The following ZBTB18 variants were observed in gnomAD, a reference collection of about 807,000 sequenced individuals.
ZBTB18 encodes zinc finger and BTB domain containing 18.
Under a neutral mutation model 37.7 loss-of-function variants are expected in ZBTB18, and 2 were observed. The ratio of observed to expected loss-of-function variants is 0.05; its 90% CI spans 0.02 to 0.17. The LOEUF is 0.17. Among genes scored for constraint, ZBTB18 ranks in the 10% least tolerant of loss-of-function variants. ZBTB18 has a pLI of 1.00. For missense variants in ZBTB18, 408 were observed against 686.3 expected (o/e 0.59, Z 4.53); for synonymous variants, 304 against 276.5 (o/e 1.10, Z -0.99).
Position 244,054,966 on chromosome 1 carries a change from C to T in ZBTB18, c.1192C>T (p.Leu398=), listed in dbSNP as rs1309451558. Residue 398 remains leucine (L), a synonymous_variant, in exon 2 of 2, where the codon CTG becomes TTG. Coordinates refer to ENST00000358704, the MANE Select transcript of ZBTB18 (RefSeq NM_205768.3). This position sits in a 1 kb window ranked among gnomAD's most constrained non-coding sequence, Gnocchi z 9.0. ...FPSPHILQIH[L]STHFREQDGI... ...CAGCCCCCACATCCTGCAGATCCAC[C>T]TGAGCACGCACTTCCGCGAGCAGGA... 2 of 1,613,978 alleles carry T rather than the reference C, an allele frequency of 1.2e-6. No individual in the cohort carries two copies. Among genetic ancestry groups the T allele is most frequent in the East Asian group, 2.2e-5 (1 of 44,894 alleles).
At chr1:244,052,281 A>G (rs1698370535) in intron 1 of ZBTB18, among the ~76,000 whole-genome samples, 1 of 152,156 alleles carries the variant, frequency 6.6e-6, no homozygotes, top group Non-Finnish European at 1.5e-5. Flanking sequence ...CTACCTTGTG[A>G]GCTGCCCTCC....
intron 1 of ZBTB18, among the ~76,000 whole-genome samples, chr1:244,052,863 G>A (rs1221366713): frequency 6.6e-6 from 1 of 151,664 alleles, no homozygotes; most frequent in Non-Finnish European, 1.5e-5. Context: ...TTTTATTTAA[G>A]CGCTGTATGC....
rs935625263 is a variant in ZBTB18 at position 244,055,928 on chromosome 1, T to C, written c.*558T>C. 2 of 167,104 alleles carry C rather than the reference T, an allele frequency of 1.2e-5. No individual in the cohort carries two copies. The highest frequency in any genetic ancestry group is 2.9e-5 in the Non-Finnish European group (2 of 68,126). 10.4% of individuals were successfully genotyped at this position (167,104 alleles called of 1,614,324 possible). On this transcript the variant is annotated 3_prime_UTR_variant, in exon 2 of 2. Transcript: ENST00000358704. The surrounding 1 kb of genome is among the most constrained non-coding windows in gnomAD (Gnocchi z 7.0). The stretch of plus-strand genomic sequence containing the variant: ...GTGGCAACTTCTGGTTTTCTGACAG[T>C]TCCCAGTGAGAGAAATGCTGAAAGT...
upstream of ZBTB18, chr1:244,051,242 C>A: frequency 1.8e-6 from 1 of 552,436 alleles, no homozygotes; most frequent in Non-Finnish European, 3.2e-6. Context: ...TGACAGCCTG[C>A]CATCCCTCAG....
chr1:244,054,765 G>A lies in ZBTB18; in HGVS notation c.991G>A (p.Val331Ile), dbSNP rs565122600. 1 of 1,614,172 alleles carries A rather than the reference G, an allele frequency of 6.2e-7. No homozygotes were observed. Among genetic ancestry groups the A allele is most frequent in the Admixed American group, 1.7e-5 (1 of 60,036 alleles). The part of the protein sequence containing the change: ...AHLAPLREDS[V>I]LRELDREDKA... ...TCTGGCTCCCCTGAGGGAGGACTCG[G>A]TCTTGAGGGAGCTGGACCGGGAGGA... Residue 331 changes from valine (V) to isoleucine (I), a missense_variant, in exon 2 of 2, where the codon GTC (valine) becomes ATC (isoleucine). By Grantham distance (29) the Val-to-Ile change is conservative (BLOSUM62 3). Coordinates refer to ENST00000358704, the MANE Select transcript of ZBTB18 (RefSeq NM_205768.3). The surrounding 1 kb of genome is among the most constrained non-coding windows in gnomAD (Gnocchi z 9.0).
Position 244,053,631 on chromosome 1 carries a change from G to C in ZBTB18, c.14-157G>C. 1.5e-6 allele frequency: 1 copy of C among 676,158 alleles called. No individual in the cohort carries two copies. Among genetic ancestry groups the C allele is most frequent in the Non-Finnish European group, 1.8e-6 (1 of 547,450 alleles). 41.9% of individuals were successfully genotyped at this position (676,158 alleles called of 1,614,324 possible). ...ATTTTCCTTCTGGCATTTAGGTCTT[G>C]TCCGTGTGATTTGGTGGTGCTTGGG... is the stretch of plus-strand genomic sequence containing the variant. On this transcript the variant is annotated intron_variant, in intron 1 of 1. Transcript: ENST00000358704. The surrounding 1 kb of genome is among the most constrained non-coding windows in gnomAD (Gnocchi z 5.2).
In ZBTB18 at chr1:244,055,090, G is replaced by A; in HGVS notation, c.1316G>A (p.Arg439Lys). 1.2e-6 allele frequency: 2 copies of A among 1,614,216 alleles called. No homozygotes were observed. The highest frequency in any genetic ancestry group is 1.7e-6 in the Non-Finnish European group (2 of 1,180,052). Residue 439 changes from arginine to lysine, a missense_variant, in exon 2 of 2, where the codon AGG becomes AAG. Around this residue, in one of 4 missense-constraint regions of ZBTB18, gnomAD observed 25 missense variants for 117.3 expected, o/e 0.21. Transcript: ENST00000358704. The surrounding 1 kb of genome is among the most constrained non-coding windows in gnomAD (Gnocchi z 7.0). Reference protein sequence around the residue: ...SCMYTLKRHERTHSGEKPYTC... With the variant: ...SCMYTLKRHEKTHSGEKPYTC... Reference sequence around the variant, plus strand: ...ATGTACACCCTCAAGCGCCACGAGAGGACTCACTCGGGGGAGAAGCCCTAC... The same window carrying A: ...ATGTACACCCTCAAGCGCCACGAGAAGACTCACTCGGGGGAGAAGCCCTAC...
intron 1 of ZBTB18, among the ~76,000 whole-genome samples, chr1:244,052,670 A>G (rs1425999347): frequency 1.3e-5 from 2 of 152,168 alleles, no homozygotes; most frequent in Non-Finnish European, 1.5e-5. Context: ...CCCTCATCAC[A>G]AAACAAGGGC....
intron 1 of ZBTB18, among the ~76,000 whole-genome samples, chr1:244,052,360 T>C (rs578079038): frequency 1.3e-5 from 2 of 152,350 alleles, no homozygotes; most frequent in Admixed American, 6.5e-5. Flanking sequence ...AGTGATTGTA[T>C]TGTAAATCTT....
At chr1:244,052,568 C>T (rs936938127) in intron 1 of ZBTB18, among the ~76,000 whole-genome samples, 1 of 152,092 alleles carries the variant, frequency 6.6e-6, no homozygotes, top group African/African-American at 2.4e-5. Flanking sequence ...AAGGGGAAGT[C>T]GGGTCTTCTT....
chr1:244,055,429 T>C lies in ZBTB18; in HGVS notation c.*59T>C. On this transcript the variant is annotated 3_prime_UTR_variant, in exon 2 of 2. Transcript: ENST00000358704. This position sits in a 1 kb window ranked among gnomAD's most constrained non-coding sequence, Gnocchi z 7.0. ...ACATATATATAAATAGATCTCTATA[T>C]AGTTGTGGTACGGTCTAAAAGCAGT... The C allele has an allele frequency of 1.7e-6, 1 of 603,998 alleles. No individual in the cohort carries two copies. Among genetic ancestry groups the C allele is most frequent in the Non-Finnish European group, 2.3e-6 (1 of 437,084 alleles). 37.4% of individuals were successfully genotyped at this position (603,998 alleles called of 1,614,324 possible).
At chr1:244,050,148 A>G (rs1698318955), upstream of ZBTB18, among the ~76,000 whole-genome samples, 1 of 152,212 alleles carries the variant, frequency 6.6e-6, no homozygotes, top group African/African-American at 2.4e-5. Context: ...ACTCTCCGCC[A>G]CGGCTTTCTA....
At chr1:244,052,454 A>C (rs1179285033) in intron 1 of ZBTB18, among the ~76,000 whole-genome samples, 2 of 152,256 alleles carry the variant, frequency 1.3e-5, no homozygotes, top group Non-Finnish European at 2.9e-5. Flanking sequence ...GTGTAGAAGA[A>C]CAAGAAGAAA....
Position 244,055,008 on chromosome 1 carries a change from C to A in ZBTB18, c.1234C>A (p.Pro412Thr), listed in dbSNP as rs773233848. Reference sequence around the variant, plus strand: ...CGAGCAGGACGGCATCCGCAGCAAGCCCGCCGCCGATGTCAACGTGCCCAC... The same window carrying A: ...CGAGCAGGACGGCATCCGCAGCAAGACCGCCGCCGATGTCAACGTGCCCAC... ...FREQDGIRSKPAADVNVPTCS... is the reference protein window; with the variant it reads ...FREQDGIRSKTAADVNVPTCS... The change falls in exon 2 of 2, where the codon CCC becomes ACC. Residue 412 changes from proline to threonine, a missense_variant. Pro to Thr is a conservative substitution (Grantham distance 38). Coordinates refer to ENST00000358704, the MANE Select transcript of ZBTB18 (RefSeq NM_205768.3). The surrounding 1 kb of genome is among the most constrained non-coding windows in gnomAD (Gnocchi z 7.0). 2 of 1,614,168 alleles carry A rather than the reference C, an allele frequency of 1.2e-6. No individual in the cohort carries two copies. Among genetic ancestry groups the A allele is most frequent in the South Asian group, 2.2e-5 (2 of 91,088 alleles).
chr1:244,049,221 C>T (rs893392996), upstream of ZBTB18, among the ~76,000 whole-genome samples: 3 of 143,332 alleles, frequency 2.1e-5, no homozygotes, highest in African/African-American at 7.5e-5. Context: ...GGGGACGGGG[C>T]CGCTGCAGCT....
chr1:244,048,943 A>C (rs1166692576), upstream of ZBTB18: 3 of 156,676 alleles, frequency 1.9e-5, no homozygotes, highest in South Asian at 1.7e-4. Flanking sequence ...GAGGAGGAGG[A>C]GGCGGAGGAC....
upstream of ZBTB18, chr1:244,051,264 A>T: frequency 1.6e-6 from 1 of 625,002 alleles, no homozygotes; most frequent in Non-Finnish European, 2.7e-6. Context: ...CTTTTATTCT[A>T]ACACACAGAC....
In ZBTB18 at chr1:244,053,941, T is replaced by C. The variant is rs775350205; in HGVS notation, c.167T>C (p.Met56Thr). ...CGAGCTGTACTGGCTTCATGCAGCA[T>C]GTATTTCCACCTCTTTTACAAGGAC... ...AHRAVLASCSMYFHLFYKDQL... is the reference protein window; with the variant it reads ...AHRAVLASCSTYFHLFYKDQL... The change falls in exon 2 of 2, where the codon ATG becomes ACG. Residue 56 changes from methionine to threonine, a missense_variant. Around this residue, in one of 4 missense-constraint regions of ZBTB18, gnomAD observed 95 missense variants for 218.7 expected, o/e 0.43. Transcript: ENST00000358704. This position sits in a 1 kb window ranked among gnomAD's most constrained non-coding sequence, Gnocchi z 5.2. 9 of 1,613,990 alleles carry C rather than the reference T, an allele frequency of 5.6e-6. No individual in the cohort carries two copies. Among genetic ancestry groups the C allele is most frequent in the Non-Finnish European group, 8.5e-7 (1 of 1,180,026 alleles).
upstream of ZBTB18, among the ~76,000 whole-genome samples, chr1:244,048,545 G>A (rs1477477637): frequency 6.7e-6 from 1 of 148,996 alleles, no homozygotes; most frequent in Admixed American, 6.7e-5. Context: ...GCGGACTGAG[G>A]GTGGGGGGAA....
Sources: allele counts gnomAD v4.1 joint callset (sites outside exome capture counted in the v4.1 genomes callset), GRCh38; gene constraint gnomAD v4.1.1; regional missense constraint gnomAD v4.1.1; non-coding constraint Gnocchi (gnomAD v3.1); transcripts MANE v1.5; gene names NCBI Gene and HGNC (gene_info 2026-07-23, HGNC 2026-07-21).